The following MAP7D2 variants were observed in gnomAD, a reference collection of about 807,000 sequenced individuals.
MAP7D2 encodes MAP7 domain-containing protein 2.
Under a neutral mutation model 63.5 loss-of-function variants are expected in MAP7D2, and 33 were observed. The ratio of observed to expected loss-of-function variants is 0.52; its 90% CI spans 0.39 to 0.70. MAP7D2 has a LOEUF of 0.70. MAP7D2 is among the 30% of genes least tolerant of loss of function. The pLI, the probability that MAP7D2 is intolerant of heterozygous loss-of-function variation, is 0.00. For synonymous variants in MAP7D2, 224 were observed against 223.7 expected (o/e 1.00, Z -0.01); for missense variants, 626 against 604.0 (o/e 1.04, Z -0.38).
At chrX:20,100,416 T>C (rs1279684622) in intron 1 of MAP7D2, among the ~76,000 whole-genome samples, 3 of 111,631 alleles carry the variant, frequency 2.7e-5, no homozygotes, top group East Asian at 2.8e-4. Flanking sequence ...TGGCAAAATA[T>C]TGGCCCCAAG....
chrX:20,100,190 C>T (rs1430228343), intron 1 of MAP7D2, among the ~76,000 whole-genome samples: 8 of 112,340 alleles, frequency 7.1e-5, no homozygotes, highest in South Asian at 3.7e-4. Flanking sequence ...AATGTAAATA[C>T]ATATTCATAA....
intron 1 of MAP7D2, among the ~76,000 whole-genome samples, chrX:20,065,954 C>T (rs895356310): frequency 4.8e-5 from 5 of 104,084 alleles, no homozygotes; most frequent in African/African-American, 7.1e-5. Context: ...CTCGCTCTGT[C>T]GCCCAGGCCG....
At chrX:20,087,088 T>C (rs754207993) in intron 1 of MAP7D2, among the ~76,000 whole-genome samples, 12 of 112,003 alleles carry the variant, frequency 1.1e-4, no homozygotes, top group Non-Finnish European at 1.9e-4. Context: ...GAATAACACA[T>C]TGGTGGGGGG....
intron 8 of MAP7D2, among the ~76,000 whole-genome samples, chrX:20,026,405 T>A (rs187972970): frequency 1.1e-4 from 12 of 111,661 alleles, no homozygotes; most frequent in Non-Finnish European, 2.1e-4. Context: ...GGCGTTCAAC[T>A]CTCCATTCCC....
chrX:20,116,692 C>A, intron 1 of MAP7D2, 58 bp downstream of exon 1: 1 of 1,109,446 alleles, frequency 9.0e-7, no homozygotes, highest in Non-Finnish European at 1.2e-6. Flanking sequence ...GCCGCCGGGC[C>A]CGCCCCCCCA....
intron 1 of MAP7D2, among the ~76,000 whole-genome samples, chrX:20,076,888 G>A (rs1392488496): frequency 1.8e-5 from 2 of 112,270 alleles, no homozygotes; most frequent in African/African-American, 3.2e-5. Context: ...CCAGAAAAAT[G>A]CAGACATGTA....
At chrX:20,017,598 G>A (rs778408365) in intron 10 of MAP7D2, among the ~76,000 whole-genome samples, 1 of 112,441 alleles carries the variant, frequency 8.9e-6, no homozygotes, top group Non-Finnish European at 1.9e-5. Flanking sequence ...GCCTGAGACT[G>A]TAACAATACG....
At chrX:20,069,821 G>T (rs1284575478) in intron 1 of MAP7D2, among the ~76,000 whole-genome samples, 1 of 105,912 alleles carries the variant, frequency 9.4e-6, no homozygotes, top group Non-Finnish European at 1.9e-5. Flanking sequence ...TGTCACCCAG[G>T]CTGGAGTGCA....
At position 20,040,936 on chromosome X, in the gene MAP7D2, A is replaced by G. The variant is rs976357182; in HGVS notation, c.1007+1566T>C. Among the ~76,000 whole-genome samples the G allele has an allele frequency of 1.8e-4, 20 of 111,787 alleles. No homozygotes were observed. The Admixed American group carries it at 1.8e-3, about 10-fold the overall frequency. ...CACAAACCTTCAATTTGTAAAACAAACAACAACAACAACAAAAAAAACCAG... is the reference window on the plus strand; with the variant it reads ...CACAAACCTTCAATTTGTAAAACAAGCAACAACAACAACAAAAAAAACCAG... On this transcript the variant is annotated intron_variant, in intron 8 of 16. Transcript: ENST00000379643.
At chrX:20,116,557 C>A in intron 1 of MAP7D2, 193 bp downstream of exon 1, 7 of 943,165 alleles carry the variant, frequency 7.4e-6, no homozygotes, top group Non-Finnish European at 9.3e-6. Flanking sequence ...AAGAACCCCG[C>A]CACTCGCACA....
intron 8 of MAP7D2, among the ~76,000 whole-genome samples, chrX:20,026,816 A>C (rs1269232684): frequency 8.9e-6 from 1 of 111,800 alleles, no homozygotes; most frequent in African/African-American, 3.3e-5. Context: ...TGAGATGCCC[A>C]GTTTCCCTAG....
chrX:20,072,193 A>G (rs1402653663), intron 1 of MAP7D2, among the ~76,000 whole-genome samples: 1 of 111,720 alleles, frequency 9.0e-6, no homozygotes, highest in African/African-American at 3.3e-5. Context: ...GAGTTGTGGG[A>G]GGAATACAAG....
At chrX:20,025,645 G>A (rs367984825) in intron 9 of MAP7D2, 36 bp downstream of exon 9, 36 of 1,203,424 alleles carry the variant, frequency 3.0e-5, no homozygotes, top group Admixed American at 4.4e-5. Flanking sequence ...GAGGAGAACC[G>A]TCTTGGGAAA....
At chrX:20,103,137 T>C (rs913442708) in intron 1 of MAP7D2, among the ~76,000 whole-genome samples, 1 of 111,697 alleles carries the variant, frequency 9.0e-6, no homozygotes, top group Non-Finnish European at 1.9e-5. Flanking sequence ...TAGGGTGTGG[T>C]TGAGGTCCCT....
At chrX:20,099,147 G>T (rs1012049266) in intron 1 of MAP7D2, among the ~76,000 whole-genome samples, 13 of 111,903 alleles carry the variant, frequency 1.2e-4, no homozygotes, top group African/African-American at 3.9e-4. Flanking sequence ...TTCAAAGACC[G>T]ACTCCCTTTT....
At chrX:20,038,999 G>A (rs765800971) in intron 8 of MAP7D2, among the ~76,000 whole-genome samples, 3 of 112,047 alleles carry the variant, frequency 2.7e-5, no homozygotes, top group African/African-American at 9.7e-5. Flanking sequence ...GACCCTTCAG[G>A]AGTGAAACTT....
intron 16 of MAP7D2, among the ~76,000 whole-genome samples, chrX:20,009,206 A>G (rs1236208785): frequency 2.7e-5 from 3 of 111,470 alleles, no homozygotes; most frequent in Non-Finnish European, 5.6e-5. Flanking sequence ...AGAAACAAGT[A>G]TACAAAAAAC....
intron 1 of MAP7D2, among the ~76,000 whole-genome samples, chrX:20,082,862 T>C (rs1196246151): frequency 9.0e-6 from 1 of 111,704 alleles, no homozygotes; most frequent in African/African-American, 3.3e-5. Context: ...ACTCCTGACC[T>C]TGTGATCTGC....
chrX:20,050,762 C>A, intron 6 of MAP7D2, 62 bp downstream of exon 6: 1 of 1,099,949 alleles, frequency 9.1e-7, no homozygotes. Flanking sequence ...AGGAGTAAAT[C>A]CTAGGCTGAC....
Sources: allele counts gnomAD v4.1 joint callset (sites outside exome capture counted in the v4.1 genomes callset), GRCh38; gene constraint gnomAD v4.1.1; transcripts MANE v1.5; gene names NCBI Gene and HGNC (gene_info 2026-07-23, HGNC 2026-07-21).